THRA: variants seen among roughly 807,000 people sequenced by gnomAD.
THRA encodes EAR-7.
In THRA, 13 loss-of-function variants were observed where a neutral mutation model predicts 45.0. The observed-to-expected ratio is 0.29, with a 90% CI of 0.19 to 0.46. THRA has a LOEUF of 0.46. Ranked by LOEUF, THRA falls within the 20% of genes least tolerant of loss-of-function variation. The probability of loss-of-function intolerance (pLI) is 1.00; values close to 1 mark genes in which losing one functional copy is unlikely to be tolerated. For missense variants in THRA, 278 were observed against 556.1 expected, an observed-to-expected ratio of 0.50 and a Z score of 5.03; for synonymous variants, 195 against 214.0, an observed-to-expected ratio of 0.91 and a Z score of 0.78.
intron 1 of THRA, among the ~76,000 whole-genome samples, chr17:40,068,135 C>G (rs901931180): frequency 1.3e-5 from 2 of 152,170 alleles, no homozygotes; most frequent in African/African-American, 4.8e-5. Flanking sequence ...GGGAGGGAGG[C>G]AAGCATGACC....
chr17:40,085,645 AT>A lies in THRA; in HGVS notation c.576+845del, dbSNP rs1309369614. On this transcript the variant is annotated intron_variant, in intron 6 of 8. Transcript: ENST00000450525. Reference sequence around the variant, plus strand: ...CCACCATGCCCACCCTCTATGAATAATTTTTTTTTTTTTTTGAGTTGGAGTT... The same window carrying A: ...CCACCATGCCCACCCTCTATGAATAATTTTTTTTTTTTTTGAGTTGGAGTT... Among the ~76,000 whole-genome samples, 1,363 of 137,830 alleles carry A rather than the reference AT, an allele frequency of 9.9e-3. 10 individuals are homozygous for A. Among genetic ancestry groups the A allele is most frequent in the African/African-American group, 0.027 (987 of 37,156 alleles). 90.4% of individuals were successfully genotyped at this position (137,830 alleles called of 152,430 possible).
intron 1 of THRA, among the ~76,000 whole-genome samples, chr17:40,069,378 CCTTT>C (rs1470922860): frequency 1.9e-4 from 29 of 151,038 alleles, no homozygotes; most frequent in Non-Finnish European, 1.5e-4. Context: ...AACATCCCTC[CCTTT>C]CTTTCCCCCT....
intron 1 of THRA, among the ~76,000 whole-genome samples, chr17:40,073,678 C>T (rs1986854674): frequency 6.6e-6 from 1 of 152,112 alleles, no homozygotes. Flanking sequence ...GGTCAGTTCC[C>T]TACAGCTTTC....
chr17:40,093,648 T>C, downstream of THRA: 1 of 657,094 alleles, frequency 1.5e-6, no homozygotes, highest in South Asian at 2.0e-5. This position sits in a 1 kb window ranked among gnomAD's most constrained non-coding sequence, Gnocchi z 5.9. Flanking sequence ...AGGCCCCAAC[T>C]CAAGTGTCAC....
intron 3 of THRA, 131 bp from the exon 4 acceptor site, chr17:40,077,377 G>T (rs1986990932): frequency 4.2e-6 from 3 of 719,790 alleles, no homozygotes; most frequent in Non-Finnish European, 7.2e-6. Context: ...GTCTCTCTAG[G>T]ATTCTACCAG....
chr17:40,069,190 T>C (rs67228062), intron 1 of THRA, among the ~76,000 whole-genome samples: 4 of 141,570 alleles, frequency 2.8e-5, no homozygotes, highest in East Asian at 2.2e-4. Context: ...TCCCTCTCTC[T>C]CTCTCACACA....
chr17:40,077,806 C>G (rs981008090), intron 4 of THRA, among the ~76,000 whole-genome samples, 198 bp downstream of exon 4: 7 of 152,132 alleles, frequency 4.6e-5, no homozygotes, highest in Non-Finnish European at 7.4e-5. Flanking sequence ...AAGTGATTCC[C>G]CTACCTCGGC....
intron 1 of THRA, among the ~76,000 whole-genome samples, chr17:40,068,128 A>C (rs2145043374): frequency 6.6e-6 from 1 of 152,266 alleles, no homozygotes; most frequent in South Asian, 2.1e-4. Context: ...TCTCTTGGGG[A>C]GGGAGGCAAG....
At chr17:40,082,018 G>A (rs1057498152) in intron 4 of THRA, among the ~76,000 whole-genome samples, 5 of 151,788 alleles carry the variant, frequency 3.3e-5, no homozygotes, top group Non-Finnish European at 5.9e-5. Context: ...TCCCAATGTA[G>A]AGAATTGAAA....
intron 1 of THRA, among the ~76,000 whole-genome samples, chr17:40,063,413 C>T (rs976970859): frequency 2.0e-5 from 3 of 152,156 alleles, no homozygotes; most frequent in Non-Finnish European, 4.4e-5. Flanking sequence ...GGCCGGGCCC[C>T]GTTGCCGGCC....
rs1394634065 is a variant in THRA, at chr17:40,090,461, A to C, written c.*1005A>C. 6.6e-6 allele frequency: 1 copy of C among 151,630 alleles called. No individual in the cohort carries two copies. The highest frequency in any genetic ancestry group is 2.4e-5 in the African/African-American group (1 of 41,114). 9.4% of individuals were successfully genotyped at this position (151,630 alleles called of 1,614,324 possible). The stretch of plus-strand genomic sequence containing the variant: ...CTCTCCCCATCCACCTCCTCCTTCC[A>C]CACCTTGGCACCCACCCAGGAAAAA... On this transcript the variant is annotated 3_prime_UTR_variant, in exon 9 of 9. Coordinates refer to ENST00000450525, the MANE Select transcript of THRA (RefSeq NM_199334.5).
chr17:40,075,857 G>A (rs746658929), intron 2 of THRA, among the ~76,000 whole-genome samples: 4 of 152,340 alleles, frequency 2.6e-5, no homozygotes, highest in Admixed American at 6.5e-5. Context: ...GAAGTAGACC[G>A]GAGTAATCCC....
At position 40,074,494 on chromosome 17, in the gene THRA, A is replaced by C; in HGVS notation, c.6A>C (p.Glu2Asp). 1.2e-6 allele frequency: 2 copies of C among 1,614,080 alleles called. No individual in the cohort carries two copies. Among genetic ancestry groups the C allele is most frequent in the Non-Finnish European group, 1.7e-6 (2 of 1,179,954 alleles). Residue 2 changes from glutamate to aspartate, a missense_variant, in exon 2 of 9, where the codon GAA becomes GAC. This residue lies in a region of THRA where 34 missense variants were observed against 39.7 expected (regional missense o/e 0.86). Transcript: ENST00000450525. ...CCTGGATGGAATTGAAGTGAATGGA[A>C]CAGAAGCCAAGCAAGGTGGAGTGTG... MEQKPSKVECGS... is the reference protein window; with the variant it reads MDQKPSKVECGS...
At chr17:40,085,723 A>C (rs1181639002) in intron 6 of THRA, among the ~76,000 whole-genome samples, 2 of 150,602 alleles carry the variant, frequency 1.3e-5, no homozygotes, top group Non-Finnish European at 2.9e-5. Context: ...GGCTCACCGC[A>C]ACCTCTACCT....
chr17:40,085,346 T>G (rs1463115081), intron 6 of THRA, among the ~76,000 whole-genome samples: 2 of 152,140 alleles, frequency 1.3e-5, no homozygotes, highest in Non-Finnish European at 2.9e-5. Context: ...ATAATTTTTT[T>G]TTTTTTTGAT....
chr17:40,093,289 G>A, downstream of THRA: 2 of 1,613,630 alleles, frequency 1.2e-6, no homozygotes, highest in Non-Finnish European at 8.5e-7. This position sits in a 1 kb window ranked among gnomAD's most constrained non-coding sequence, Gnocchi z 5.9. Flanking sequence ...CGGTCTGTGG[G>A]GAAGACGACA....
intron 4 of THRA, among the ~76,000 whole-genome samples, chr17:40,081,134 G>A (rs1035427837): frequency 6.6e-6 from 1 of 152,194 alleles, no homozygotes; most frequent in Non-Finnish European, 1.5e-5. Flanking sequence ...TGGGCAAATT[G>A]CTTCATCTCA....
chr17:40,070,590 T>G (rs778049767), intron 1 of THRA, among the ~76,000 whole-genome samples: 36 of 152,172 alleles, frequency 2.4e-4, no homozygotes, highest in Non-Finnish European at 4.7e-4. Context: ...CATTTATGTG[T>G]CTGGGCCACG....
chr17:40,079,445 A>G (rs982569627), intron 4 of THRA, among the ~76,000 whole-genome samples: 1 of 152,098 alleles, frequency 6.6e-6, no homozygotes, highest in Non-Finnish European at 1.5e-5. Context: ...GGGTTTCACC[A>G]TGTTAGCCAG....
Sources: gnomAD v4.1 joint callset for allele counts (sites outside exome capture counted in the v4.1 genomes callset) on GRCh38, gnomAD v4.1.1 for gene constraint, gnomAD v4.1.1 regional missense constraint, Gnocchi (gnomAD v3.1) non-coding constraint, MANE v1.5 for transcripts, NCBI Gene and HGNC (gene_info 2026-07-23, HGNC 2026-07-21) for gene names.